The following METTL6 variants were observed in gnomAD, a reference collection of about 807,000 sequenced individuals.
The protein encoded by METTL6 is methyltransferase 6, tRNA N3-cytidine, also known as tRNA N(3)-cytidine methyltransferase METTL6.
METTL6 carries 22 observed loss-of-function variants against 26.4 expected under a neutral mutation model. The ratio of observed to expected loss-of-function variants is 0.83; its 90% CI spans 0.59 to 1.19. The LOEUF (loss-of-function observed/expected upper bound fraction) is 1.19, where lower values mean the gene tolerates loss of function less well. METTL6 is among the 50% of genes most tolerant of loss of function. The pLI is 0.00. For synonymous variants in METTL6, 109 were observed against 116.2 expected (o/e 0.94, Z 0.40); for missense variants, 304 against 324.8 (o/e 0.94, Z 0.49).
chr3:15,417,436 T>G lies in METTL6; in HGVS notation c.361-1494A>C, dbSNP rs976611763. 4.0e-5 allele frequency among the ~76,000 whole-genome samples: 6 copies of G among 149,830 alleles called. No homozygotes were observed. The Admixed American group carries it at 4.0e-4, about 10-fold the overall frequency. On this transcript the variant is annotated intron_variant, in intron 3 of 5. Transcript: ENST00000383790. ...TGCCACTGCACGCCAGCCTGCATGA[T>G]AGAGACTCTGTCTCAAAAATAAATA... is the stretch of plus-strand genomic sequence containing the variant.
chr3:15,394,050 T>C (rs1222569670), intron 6 of METTL6, among the ~76,000 whole-genome samples: 2 of 152,196 alleles, frequency 1.3e-5, no homozygotes, highest in Admixed American at 6.5e-5. Flanking sequence ...TTCTATTGAT[T>C]GGAATAGTTT....
At chr3:15,415,401 C>T in intron 4 of METTL6, 1 of 1,224,014 alleles carries the variant, frequency 8.2e-7, no homozygotes, top group Non-Finnish European at 1.2e-6. Flanking sequence ...AAGTGATTCA[C>T]CTGCCTTGGC....
intron 6 of METTL6, among the ~76,000 whole-genome samples, chr3:15,389,195 C>T (rs1251694760): frequency 6.6e-6 from 1 of 151,310 alleles, no homozygotes; most frequent in African/African-American, 2.4e-5. Flanking sequence ...GGTTGTGCTA[C>T]ATTTCCCAGG....
downstream of METTL6, among the ~76,000 whole-genome samples, chr3:15,409,147 G>T (rs1699880217): frequency 6.6e-6 from 1 of 152,160 alleles, no homozygotes; most frequent in African/African-American, 2.4e-5. Context: ...TGTGAGCCCT[G>T]CTGCCTGCCC....
At chr3:15,408,723 T>C (rs1018945806), downstream of METTL6, among the ~76,000 whole-genome samples, 3 of 152,082 alleles carry the variant, frequency 2.0e-5, no homozygotes, top group African/African-American at 4.8e-5. Context: ...TACAGGCATA[T>C]ACCACCATAC....
chr3:15,417,679 C>T (rs2061518537), intron 3 of METTL6, among the ~76,000 whole-genome samples: 1 of 151,778 alleles, frequency 6.6e-6, no homozygotes, highest in Non-Finnish European at 1.5e-5. Flanking sequence ...AAAAGATAGA[C>T]AAAGGTGACA....
downstream of METTL6, among the ~76,000 whole-genome samples, chr3:15,405,699 T>C (rs1020377337): frequency 6.6e-6 from 1 of 152,234 alleles, no homozygotes; most frequent in African/African-American, 2.4e-5. Context: ...ACTTGGTTCA[T>C]GAGCTGCTCT....
chr3:15,426,143 G>T (rs908493069), intron 2 of METTL6, 144 bp downstream of exon 2: 11 of 723,706 alleles, frequency 1.5e-5, no homozygotes, highest in Admixed American at 8.4e-5. Flanking sequence ...GTTTCATCAT[G>T]TTGGCCAGGA....
chr3:15,422,948 G>T (rs1173482761), intron 3 of METTL6, among the ~76,000 whole-genome samples: 1 of 152,174 alleles, frequency 6.6e-6, no homozygotes, highest in African/African-American at 2.4e-5. Flanking sequence ...CTAGTTCACA[G>T]ATAATATAGA....
chr3:15,417,528 T>C (rs9815876), intron 3 of METTL6, among the ~76,000 whole-genome samples: 21,134 of 151,724 alleles, frequency 0.14, 2,627 homozygotes, highest in African/African-American at 0.33. Flanking sequence ...CACTACTGGA[T>C]ATCAAAATAT....
downstream of METTL6, among the ~76,000 whole-genome samples, chr3:15,409,756 T>C (rs1442570592): frequency 1.3e-5 from 2 of 152,266 alleles, no homozygotes; most frequent in East Asian, 3.9e-4. Flanking sequence ...TATGGAGCCA[T>C]GGAGGGTTCT....
At chr3:15,413,717 T>G in intron 5 of METTL6, 2 of 1,304,660 alleles carry the variant, frequency 1.5e-6, no homozygotes, top group South Asian at 1.4e-5. Flanking sequence ...AGTTTCTGAC[T>G]TGCCCTCCCT....
At chr3:15,415,163 A>G (rs1559492163) in intron 4 of METTL6, among the ~76,000 whole-genome samples, 1 of 152,322 alleles carries the variant, frequency 6.6e-6, no homozygotes, top group East Asian at 1.9e-4. Context: ...GTATAGCTCA[A>G]TCACGGTGCT....
intron 6 of METTL6, chr3:15,384,377 G>C (rs930717252): frequency 5.6e-6 from 1 of 177,578 alleles, no homozygotes; most frequent in Non-Finnish European, 1.2e-5. Context: ...TCCTAATAAA[G>C]ATAGAGACCA....
In METTL6 at chr3:15,427,406, C is replaced by A; in HGVS notation, c.-129G>T. On this transcript the variant is annotated 5_prime_UTR_variant, in exon 1 of 6. Transcript: ENST00000383790. The stretch of plus-strand genomic sequence containing the variant: ...GCTAGGGCCAGGCGCACTCACCCCA[C>A]AGCCAGCCCCACTGGGCCTCGGAGG... 1 of 300,646 alleles carries A rather than the reference C, an allele frequency of 3.3e-6. No individual in the cohort carries two copies. Among genetic ancestry groups the A allele is most frequent in the Non-Finnish European group, 6.4e-6 (1 of 155,490 alleles). 18.6% of individuals were successfully genotyped at this position (300,646 alleles called of 1,614,324 possible). A position where few individuals can be genotyped will look rare whatever the true frequency, so the allele number is the denominator to read the frequency against.
chr3:15,388,574 T>A (rs1053052588), intron 6 of METTL6, among the ~76,000 whole-genome samples: 1 of 152,148 alleles, frequency 6.6e-6, no homozygotes, highest in African/African-American at 2.4e-5. Flanking sequence ...AGCCAGTTTA[T>A]CCATCTGGGT....
At chr3:15,391,948 G>C (rs1314441253) in intron 6 of METTL6, among the ~76,000 whole-genome samples, 7 of 152,070 alleles carry the variant, frequency 4.6e-5, no homozygotes, top group African/African-American at 7.2e-5. Context: ...GAATAGTGCT[G>C]CAATAAACAT....
downstream of METTL6, among the ~76,000 whole-genome samples, chr3:15,405,176 T>C (rs1338101221): frequency 6.6e-6 from 1 of 152,044 alleles, no homozygotes; most frequent in African/African-American, 2.4e-5. Context: ...GAAAAAAAAA[T>C]TAGGACCCTT....
At chr3:15,401,165 G>C (rs575234229) in intron 6 of METTL6, among the ~76,000 whole-genome samples, 3 of 152,054 alleles carry the variant, frequency 2.0e-5, no homozygotes, top group African/African-American at 7.2e-5. Flanking sequence ...TCAGCCTCCT[G>C]AGTAGCTGGG....
Sources: gnomAD v4.1 joint callset for allele counts (sites outside exome capture counted in the v4.1 genomes callset) on GRCh38, gnomAD v4.1.1 for gene constraint, MANE v1.5 for transcripts, NCBI Gene and HGNC (gene_info 2026-07-23, HGNC 2026-07-21) for gene names.